CACNA1D: variants seen among roughly 807,000 people sequenced by gnomAD.
CACNA1D encodes voltage-dependent L-type calcium channel subunit alpha-1D.
In CACNA1D, 55 loss-of-function variants were observed where a neutral mutation model predicts 257.1. The observed-to-expected ratio is 0.21, with a 90% CI of 0.17 to 0.27. The LOEUF (loss-of-function observed/expected upper bound fraction) is 0.27. Ranked by LOEUF, CACNA1D falls within the 10% of genes least tolerant of loss-of-function variation. CACNA1D has a pLI of 1.00. For synonymous variants in CACNA1D, 980 were observed against 1,014.9 expected, an observed-to-expected ratio of 0.97 and a Z score of 0.65; for missense variants, 1,876 against 2,784.0, an observed-to-expected ratio of 0.67 and a Z score of 7.34.
intron 3 of CACNA1D, among the ~76,000 whole-genome samples, chr3:53,556,619 T>A (rs2107613951): frequency 6.6e-6 from 1 of 152,344 alleles, no homozygotes; most frequent in East Asian, 1.9e-4. Flanking sequence ...AAGTGCCCCA[T>A]ATATCCTGGA....
At chr3:53,682,252 G>C (rs1204978392) in intron 8 of CACNA1D, among the ~76,000 whole-genome samples, 1 of 151,682 alleles carries the variant, frequency 6.6e-6, no homozygotes, top group African/African-American at 2.4e-5. Flanking sequence ...TAGCAGCTGG[G>C]TGCTGTGGCT....
intron 3 of CACNA1D, among the ~76,000 whole-genome samples, chr3:53,543,029 G>A (rs561316121): frequency 1.3e-5 from 2 of 148,362 alleles, no homozygotes; most frequent in South Asian, 4.2e-4. Context: ...TCCAGCCTGG[G>A]CAACAAGAGC....
At chr3:53,740,750 A>G (rs896096860) in intron 21 of CACNA1D, among the ~76,000 whole-genome samples, 2 of 152,114 alleles carry the variant, frequency 1.3e-5, no homozygotes, top group Non-Finnish European at 2.9e-5. Context: ...TAAAAAAAAT[A>G]CCCTCTGTAA....
chr3:53,748,962 T>C (rs573330387), intron 26 of CACNA1D: 1 of 484,198 alleles, frequency 2.1e-6, no homozygotes, highest in African/African-American at 1.9e-5. Context: ...CTCCAGTGTC[T>C]TACACGTGAT....
intron 3 of CACNA1D, among the ~76,000 whole-genome samples, chr3:53,579,622 C>T (rs1559870258): frequency 6.6e-6 from 1 of 152,180 alleles, no homozygotes; most frequent in Non-Finnish European, 1.5e-5. Context: ...ACTGCATTTA[C>T]CCAGTGATTT....
chr3:53,801,359 C>G lies in CACNA1D; in HGVS notation c.5342C>G (p.Ser1781Cys), dbSNP rs2095534880. 1 of 1,614,054 alleles carries G rather than the reference C, an allele frequency of 6.2e-7. No individual in the cohort carries two copies. Among genetic ancestry groups the G allele is most frequent in the Admixed American group, 1.7e-5 (1 of 60,006 alleles). ...RPSIGNLEHV[S>C]ENGHHSSHKH... ...AGCATTGGGAACCTTGAGCATGTGT[C>G]TGAAAATGGGCATCATTCTTCCCAC... The change falls in exon 42 of 48, where the codon TCT (serine) becomes TGT (cysteine). Residue 1781 changes from serine to cysteine, a missense_variant. By Grantham distance (112) the Ser-to-Cys change is moderately radical (BLOSUM62 -1). Transcript: ENST00000350061.
intron 3 of CACNA1D, among the ~76,000 whole-genome samples, chr3:53,574,559 A>G (rs1056940301): frequency 3.3e-5 from 5 of 152,044 alleles, no homozygotes; most frequent in Admixed American, 2.6e-4. Context: ...GCCCTTAACC[A>G]CTTCTTCTCA....
intron 10 of CACNA1D, chr3:53,718,672 T>C (rs1420201190): frequency 1.3e-6 from 2 of 1,537,920 alleles, no homozygotes; most frequent in Admixed American, 3.9e-5. Flanking sequence ...CCACCTGCTG[T>C]GTCCATTAGG....
intron 22 of CACNA1D, among the ~76,000 whole-genome samples, chr3:53,743,969 T>C (rs2095142236): frequency 6.6e-6 from 1 of 152,190 alleles, no homozygotes; most frequent in Non-Finnish European, 1.5e-5. Context: ...GCCATTTGCA[T>C]TAACATCTTT....
At chr3:53,740,976 T>C (rs1380618725) in intron 21 of CACNA1D, among the ~76,000 whole-genome samples, 1 of 152,224 alleles carries the variant, frequency 6.6e-6, no homozygotes, top group African/African-American at 2.4e-5. Context: ...TAAGGTATTT[T>C]CTGTCTGTTT....
At chr3:53,712,808 G>C (rs1276985945) in intron 9 of CACNA1D, among the ~76,000 whole-genome samples, 1 of 152,202 alleles carries the variant, frequency 6.6e-6, no homozygotes, top group Non-Finnish European at 1.5e-5. Context: ...AGTCTGTCCT[G>C]TGGAGAACAG....
At chr3:53,724,087 C>T (rs1383510073) in intron 14 of CACNA1D, 88 bp downstream of exon 14, 2 of 1,055,224 alleles carry the variant, frequency 1.9e-6, no homozygotes, top group Non-Finnish European at 2.9e-6. Flanking sequence ...CTCAGGAAGA[C>T]AAAAGGACTC....
At chr3:53,762,553 C>G (rs2095309820) in intron 30 of CACNA1D, 1 of 457,012 alleles carries the variant, frequency 2.2e-6, no homozygotes, top group Non-Finnish European at 4.4e-6. Flanking sequence ...CCTAACAGCA[C>G]TATTTCACTG....
intron 19 of CACNA1D, among the ~76,000 whole-genome samples, chr3:53,734,527 A>G (rs180886075): frequency 2.6e-5 from 4 of 152,288 alleles, no homozygotes; most frequent in Admixed American, 2.0e-4. Flanking sequence ...TTTAAATTCT[A>G]AAGTCAAACA....
rs2090282133 is a variant in CACNA1D at position 53,494,874 on chromosome 3, T to C, written c.-293T>C. ...CCAGTTCTCCTTTGCAGCAAAAAAT[T>C]ACATGTATATATTATTAAGATAATA... On this transcript the variant is annotated 5_prime_UTR_variant, in exon 1 of 48. Transcript: ENST00000350061. 3.8e-6 allele frequency: 1 copy of C among 260,594 alleles called. No homozygotes were observed. The highest frequency in any genetic ancestry group is 7.5e-6 in the Non-Finnish European group (1 of 132,886). 16.1% of individuals were successfully genotyped at this position (260,594 alleles called of 1,614,324 possible).
Position 53,495,198 on chromosome 3 carries a change from A to G in CACNA1D, c.32A>G (p.Gln11Arg). The change falls in exon 1 of 48, where the codon CAG becomes CGG. Residue 11 changes from glutamine to arginine, a missense_variant. This residue lies in a region of CACNA1D where 143 missense variants were observed against 168.7 expected (regional missense o/e 0.85). Transcript: ENST00000350061. This position sits in a 1 kb window ranked among gnomAD's most constrained non-coding sequence, Gnocchi z 5.1. MMMMMMMKKM[Q>R]HQRQQQADHA... ...ATGATGATGATGATGAAAAAAATGCAGCATCAACGGCAGCAGCAAGCGGAC... is the reference window on the plus strand; with the variant it reads ...ATGATGATGATGATGAAAAAAATGCGGCATCAACGGCAGCAGCAAGCGGAC... The G allele has an allele frequency of 6.2e-7, 1 of 1,613,742 alleles. No homozygotes were observed.
intron 3 of CACNA1D, among the ~76,000 whole-genome samples, chr3:53,579,915 C>T (rs867046836): frequency 3.9e-5 from 6 of 152,218 alleles, no homozygotes; most frequent in African/African-American, 9.6e-5. Context: ...CTGAGGAAGC[C>T]GCTGATGGCC....
chr3:53,802,047 C>A (rs920612162), intron 42 of CACNA1D, 100 bp from the exon 43 acceptor site: 3 of 1,038,878 alleles, frequency 2.9e-6, no homozygotes, highest in Admixed American at 3.4e-5. Context: ...AATTTGCTAA[C>A]CCCTACTCTA....
chr3:53,544,559 C>G (rs1393188221), intron 3 of CACNA1D, among the ~76,000 whole-genome samples: 2 of 152,154 alleles, frequency 1.3e-5, no homozygotes, highest in Non-Finnish European at 2.9e-5. Flanking sequence ...ATGGGACTTT[C>G]CCCATTGAGT....
Sources: allele counts gnomAD v4.1 joint callset (sites outside exome capture counted in the v4.1 genomes callset), GRCh38; gene constraint gnomAD v4.1.1; regional missense constraint gnomAD v4.1.1; non-coding constraint Gnocchi (gnomAD v3.1); transcripts MANE v1.5; gene names NCBI Gene and HGNC (gene_info 2026-07-23, HGNC 2026-07-21).